The following TOR1A variants were observed in gnomAD, a reference collection of about 807,000 sequenced individuals.
The protein encoded by TOR1A is torsin-1A.
In TOR1A, 18 loss-of-function variants were observed where a neutral mutation model predicts 31.4. The observed-to-expected ratio is 0.57, with a 90% CI of 0.40 to 0.85. The LOEUF (loss-of-function observed/expected upper bound fraction) is 0.85. Ranked by LOEUF, TOR1A falls within the 40% of genes least tolerant of loss-of-function variation. The pLI is 0.00. For missense variants in TOR1A, 375 were observed against 416.4 expected (o/e 0.90, Z 0.87); for synonymous variants, 168 against 165.9 (o/e 1.01, Z -0.10).
In TOR1A at chr9:129,824,012, C is replaced by T; in HGVS notation, c.74G>A (p.Ser25Asn). 1 of 1,610,340 alleles carries T rather than the reference C, an allele frequency of 6.2e-7. No homozygotes were observed. Among genetic ancestry groups the T allele is most frequent in the South Asian group, 1.1e-5 (1 of 90,790 alleles). ...PSVVQAVEPI[S>N]LGLALAGVLT... is the part of the protein sequence containing the mutation. The stretch of plus-strand genomic sequence containing the variant: ...GACGCCGGCCAGGGCCAGTCCCAGG[C>T]TGATGGGCTCCACCGCCTGCACCAC... Residue 25 changes from serine to asparagine, a missense_variant, in exon 1 of 5, where the codon AGC (serine) becomes AAC (asparagine). Physicochemically the swap from Ser to Asn is conservative, Grantham distance 46. Transcript: ENST00000351698.
intron 4 of TOR1A, among the ~76,000 whole-genome samples, chr9:129,814,950 C>A (rs1454845787): frequency 1.3e-5 from 2 of 152,166 alleles, no homozygotes; most frequent in Non-Finnish European, 2.9e-5. Flanking sequence ...ACGCTGGGCT[C>A]CCCGTGAAGG....
intron 2 of TOR1A, among the ~76,000 whole-genome samples, chr9:129,820,132 C>T (rs1032168465): frequency 2.1e-5 from 3 of 141,732 alleles, no homozygotes; most frequent in African/African-American, 7.8e-5. Context: ...GTTCATATAA[C>T]TTTTTTTTTT....
intron 2 of TOR1A, among the ~76,000 whole-genome samples, chr9:129,821,129 C>G (rs1331634993): frequency 1.3e-5 from 2 of 152,006 alleles, no homozygotes; most frequent in Non-Finnish European, 2.9e-5. Flanking sequence ...AAGGTGAAAC[C>G]CTGTCTCTAT....
chr9:129,815,808 T>A (rs1485033361), intron 4 of TOR1A, among the ~76,000 whole-genome samples: 1 of 152,206 alleles, frequency 6.6e-6, no homozygotes, highest in Non-Finnish European at 1.5e-5. Context: ...TCCTTGATTC[T>A]TCTCTCATTC....
chr9:129,820,064 C>CAATA (rs1249606166), intron 2 of TOR1A, among the ~76,000 whole-genome samples: 1 of 152,070 alleles, frequency 6.6e-6, no homozygotes, highest in African/African-American at 2.4e-5. Context: ...AACTTATATG[C>CAATA]AATAACAGGG....
At position 129,818,388 on chromosome 9, in the gene TOR1A, G is replaced by A. The variant is rs542695591; in HGVS notation, c.748+132C>T. 2,245 of 1,393,688 alleles carry A rather than the reference G, an allele frequency of 1.6e-3. 2 individuals carry two copies. The highest frequency in any genetic ancestry group is 2.1e-3 in the Non-Finnish European group (2,042 of 992,418). The allele number at this position is 1,393,688 out of a possible 1,614,324, so 86.3% of individuals were successfully genotyped here. A position where few individuals can be genotyped will look rare whatever the true frequency, so the allele number is the denominator to read the frequency against. On this transcript the variant is annotated intron_variant, in intron 4 of 4. Coordinates refer to ENST00000351698, the MANE Select transcript of TOR1A (RefSeq NM_000113.3). ...TCAGCAAAGATTCCCCTCATGACTC[G>A]GAAGGGGACTGAGAATCTGCATTTC... is the stretch of plus-strand genomic sequence containing the variant.
chr9:129,822,283 A>T (rs1006204344), intron 2 of TOR1A: 35 of 419,126 alleles, frequency 8.4e-5, no homozygotes, highest in African/African-American at 6.1e-4. Context: ...AGAAAAAAAT[A>T]AAAAAATGAG....
At chr9:129,819,839 C>T (rs943676993) in intron 2 of TOR1A, among the ~76,000 whole-genome samples, 3 of 150,836 alleles carry the variant, frequency 2.0e-5, no homozygotes, top group Admixed American at 1.3e-4. Flanking sequence ...TTGAGAATCG[C>T]TGGAACCTGG....
chr9:129,819,952 TAATA>T (rs1457991006), intron 2 of TOR1A, among the ~76,000 whole-genome samples: 12 of 147,158 alleles, frequency 8.2e-5, no homozygotes, highest in Non-Finnish European at 1.6e-4. Context: ...ATAATAATAA[TAATA>T]AATAAATAAA....
chr9:129,822,509 A>G (rs764370287), intron 2 of TOR1A, 72 bp downstream of exon 2: 1 of 1,597,786 alleles, frequency 6.3e-7, no homozygotes, highest in South Asian at 1.1e-5. Flanking sequence ...AGAACTCCCA[A>G]ATCTCATCCC....
intron 2 of TOR1A, among the ~76,000 whole-genome samples, chr9:129,820,974 G>A (rs1309706859): frequency 1.3e-5 from 2 of 152,148 alleles, no homozygotes; most frequent in Non-Finnish European, 2.9e-5. Context: ...GGAAAAATGT[G>A]TTCACATTTT....
chr9:129,823,414 C>T lies in TOR1A; in HGVS notation c.178+494G>A, dbSNP rs1017836807. The T allele has an allele frequency of 2.2e-5, 6 of 272,444 alleles. No individual in the cohort carries two copies. In the Admixed American group the frequency reaches 3.1e-4, roughly 14 times the overall value. The allele number at this position is 272,444 out of a possible 1,614,324, so 16.9% of individuals were successfully genotyped here. A position where few individuals can be genotyped will look rare whatever the true frequency, so the allele number is the denominator to read the frequency against. On this transcript the variant is annotated intron_variant, in intron 1 of 4. Coordinates refer to ENST00000351698, the MANE Select transcript of TOR1A (RefSeq NM_000113.3). Reference sequence around the variant, plus strand: ...CGGCCGCTTGGCTTCCGGGGTCCGGCCCCCGCGGACTCAGCTCTGCCCAGG... The same window carrying T: ...CGGCCGCTTGGCTTCCGGGGTCCGGTCCCCGCGGACTCAGCTCTGCCCAGG...
intron 1 of TOR1A, chr9:129,823,325 G>A (rs540223151): frequency 2.7e-4 from 79 of 291,408 alleles, no homozygotes; most frequent in African/African-American, 1.5e-3. Context: ...GGCTCCTCAG[G>A]TCTCCGACTT....
At position 129,814,160 on chromosome 9, in the gene TOR1A, G is replaced by A; in HGVS notation, c.811C>T (p.Pro271Ser). ...ATTTTTAGGTGTTTGTATTCCAGGG[G>A]GAGGAAGGGAACAAAATAATCAATG... ...NLIDYFVPFLPLEYKHLKMCI... is the reference protein window; with the variant it reads ...NLIDYFVPFLSLEYKHLKMCI... Residue 271 changes from proline (P) to serine (S), a missense_variant, in exon 5 of 5, where the codon CCC becomes TCC. Transcript: ENST00000351698. 1 of 1,614,192 alleles carries A rather than the reference G, an allele frequency of 6.2e-7. No homozygotes were observed. The highest frequency in any genetic ancestry group is 1.3e-5 in the African/African-American group (1 of 75,036).
At position 129,818,394 on chromosome 9, in the gene TOR1A, G is replaced by A. The variant is rs1232966266; in HGVS notation, c.748+126C>T. 9 of 1,441,678 alleles carry A rather than the reference G, an allele frequency of 6.2e-6. No homozygotes were observed. The East Asian group carries it at 1.8e-4, about 29-fold the overall frequency. The allele number at this position is 1,441,678 out of a possible 1,614,324, so 89.3% of individuals were successfully genotyped here. On this transcript the variant is annotated intron_variant, in intron 4 of 4. Coordinates refer to ENST00000351698, the MANE Select transcript of TOR1A (RefSeq NM_000113.3). The stretch of plus-strand genomic sequence containing the variant: ...AAGATTCCCCTCATGACTCGGAAGG[G>A]GACTGAGAATCTGCATTTCTTTCTA...
rs2030957900 is a variant in TOR1A, at chr9:129,813,780, G to A, written c.*192C>T. 9 of 782,846 alleles carry A rather than the reference G, an allele frequency of 1.1e-5. No individual in the cohort carries two copies. The highest frequency in any genetic ancestry group is 3.6e-4 in the Middle Eastern group (1 of 2,788). The allele number at this position is 782,846 out of a possible 1,614,324, so 48.5% of individuals were successfully genotyped here. On this transcript the variant is annotated 3_prime_UTR_variant, in exon 5 of 5. Coordinates refer to ENST00000351698, the MANE Select transcript of TOR1A (RefSeq NM_000113.3). Reference sequence around the variant, plus strand: ...CGTGTTCGGGAGGCTTCACGTCCTCGCCCGTGGTCCCTGGGTGGCCTGCAG... The same window carrying A: ...CGTGTTCGGGAGGCTTCACGTCCTCACCCGTGGTCCCTGGGTGGCCTGCAG...
chr9:129,818,927 T>TA lies in TOR1A; in HGVS notation c.445-8dup, dbSNP rs754727494. 1.1e-5 allele frequency: 17 copies of TA among 1,611,886 alleles called. No homozygotes were observed. In the East Asian group the frequency reaches 3.6e-4, roughly 34 times the overall value. ...TCCACAACTGTAACTGATCCTGAATTAAAAGGGGAAAAAGCGAACACAAAG... is the reference window on the plus strand; with the variant it reads ...TCCACAACTGTAACTGATCCTGAATTAAAAAGGGGAAAAAGCGAACACAAAG... On this transcript the variant is annotated splice_polypyrimidine_tract_variant and splice_region_variant and intron_variant, in intron 2 of 4. Transcript: ENST00000351698.
chr9:129,822,539 C>A (rs750124782), intron 2 of TOR1A, 42 bp downstream of exon 2: 5 of 1,613,278 alleles, frequency 3.1e-6, no homozygotes, highest in Non-Finnish European at 4.2e-6. Flanking sequence ...AGACCCCAAA[C>A]CCGATGACAT....
chr9:129,817,946 A>C (rs2031082705), intron 4 of TOR1A, among the ~76,000 whole-genome samples: 1 of 151,758 alleles, frequency 6.6e-6, no homozygotes, highest in African/African-American at 2.4e-5. Flanking sequence ...GAGCCTAGGA[A>C]GTCAAGACTC....
Sources: allele counts gnomAD v4.1 joint callset (sites outside exome capture counted in the v4.1 genomes callset), GRCh38; gene constraint gnomAD v4.1.1; transcripts MANE v1.5; gene names NCBI Gene and HGNC (gene_info 2026-07-23, HGNC 2026-07-21).